The following SMAP2 variants were observed in gnomAD, a reference collection of about 807,000 sequenced individuals.
The protein encoded by SMAP2 is small ArfGAP2, also known as stromal membrane-associated protein 2.
In SMAP2, 25 loss-of-function variants were observed where a neutral mutation model predicts 56.4. That is an observed-to-expected ratio of 0.44 (90% confidence interval 0.32 to 0.62). SMAP2 has a LOEUF of 0.62. Among genes scored for constraint, SMAP2 ranks in the 20% least tolerant of loss-of-function variants. The pLI is 0.04. For missense variants in SMAP2, 388 were observed against 545.6 expected, an observed-to-expected ratio of 0.71 and a Z score of 2.88; for synonymous variants, 157 against 181.7, an observed-to-expected ratio of 0.86 and a Z score of 1.09.
intron 9 of SMAP2, among the ~76,000 whole-genome samples, chr1:40,418,028 C>T (rs970521452): frequency 2.6e-5 from 4 of 152,076 alleles, no homozygotes; most frequent in East Asian, 1.9e-4. Context: ...AAACATTTCA[C>T]GTAATGAATA....
At chr1:40,414,359 C>G in intron 6 of SMAP2, 119 bp downstream of exon 6, 1 of 867,866 alleles carries the variant, frequency 1.2e-6, no homozygotes, top group East Asian at 2.6e-5. Context: ...AGACTGTTCT[C>G]TCACATTCTT....
In SMAP2 at chr1:40,402,669, A is replaced by G. The variant is rs72950020; in HGVS notation, c.104-4067A>G. Among the ~76,000 whole-genome samples the G allele has an allele frequency of 3.4e-3, 511 of 151,746 alleles. 6 individuals carry two copies. Among genetic ancestry groups the G allele is most frequent in the African/African-American group, 0.011 (463 of 41,412 alleles). ...TTTCACCGTGTTGGCCAGGCTGACT[A>G]ACTGTATTTTTGTACCCATTAATCA... On this transcript the variant is annotated intron_variant, in intron 1 of 9. Transcript: ENST00000372718.
intron 1 of SMAP2, among the ~76,000 whole-genome samples, chr1:40,387,570 G>C (rs947040419): frequency 6.6e-6 from 1 of 151,962 alleles, no homozygotes. Flanking sequence ...TGGGGAATTC[G>C]GGAGAACCCT....
At chr1:40,395,450 G>C (rs529494345) in intron 1 of SMAP2, among the ~76,000 whole-genome samples, 33 of 152,260 alleles carry the variant, frequency 2.2e-4, no homozygotes, top group South Asian at 2.1e-3. Context: ...GGGAGGCCAA[G>C]GTGGGAAGAT....
intron 2 of SMAP2, among the ~76,000 whole-genome samples, chr1:40,362,816 G>C (rs1363869879): frequency 6.6e-6 from 1 of 152,146 alleles, no homozygotes; most frequent in Non-Finnish European, 1.5e-5. Context: ...ACAGGAAAAA[G>C]AGGAAGGCTA....
intron 1 of SMAP2, 133 bp from the exon 2 acceptor site, chr1:40,406,603 G>A (rs1463439058): frequency 2.2e-6 from 2 of 924,344 alleles, no homozygotes; most frequent in Non-Finnish European, 3.2e-6. Flanking sequence ...AATGAGCAGA[G>A]TCAATAAACA....
intron 1 of SMAP2, among the ~76,000 whole-genome samples, chr1:40,398,794 G>C (rs1644799142): frequency 6.6e-6 from 1 of 151,722 alleles, no homozygotes; most frequent in Non-Finnish European, 1.5e-5. Context: ...ATGTGCCACT[G>C]CACCTAGAAT....
rs1290677209 is a variant in SMAP2, at chr1:40,422,577, A to C, written c.*476A>C. 1 of 158,632 alleles carries C rather than the reference A, an allele frequency of 6.3e-6. No homozygotes were observed. Among genetic ancestry groups the C allele is most frequent in the Non-Finnish European group, 1.4e-5 (1 of 71,234 alleles). 9.8% of individuals were successfully genotyped at this position (158,632 alleles called of 1,614,324 possible). ...TCTCATGATTTATGGGAATGAAGCA[A>C]GTACTGAAATCAAATTAAATACTCC... On this transcript the variant is annotated 3_prime_UTR_variant, in exon 10 of 10. Transcript: ENST00000372718.
At chr1:40,392,485 G>C (rs1361266763) in intron 1 of SMAP2, among the ~76,000 whole-genome samples, 1 of 152,132 alleles carries the variant, frequency 6.6e-6, no homozygotes, top group Non-Finnish European at 1.5e-5. Context: ...TCACTGTTTG[G>C]CTCCTAATGA....
Position 40,364,744 on chromosome 1 carries a change from CA to C in SMAP2, c.55+2322del, listed in dbSNP as rs35274026. 3.0e-3 allele frequency: 410 copies of C among 138,404 alleles called. 1 individual carries two copies. The highest frequency in any genetic ancestry group is 7.0e-3 in the African/African-American group (268 of 38,286). 8.6% of individuals were successfully genotyped at this position (138,404 alleles called of 1,614,324 possible). A position where few individuals can be genotyped will look rare whatever the true frequency, so the allele number is the denominator to read the frequency against. The stretch of plus-strand genomic sequence containing the variant: ...GGATGACAAAGTGAGACCCTGTCTC[CA>C]AAAAAAAAAAAAATGGCTCAAGGCT... On this transcript the variant is annotated intron_variant, in intron 2 of 6. Coordinates refer to the SMAP2 transcript ENST00000435168.
chr1:40,409,789 A>C lies in SMAP2; in HGVS notation c.356A>C (p.Glu119Ala), dbSNP rs1644917703. 6.2e-7 allele frequency: 1 copy of C among 1,613,436 alleles called. No homozygotes were observed. Among genetic ancestry groups the C allele is most frequent in the Non-Finnish European group, 8.5e-7 (1 of 1,179,452 alleles). The change falls in exon 4 of 10, where the codon GAG becomes GCG. Residue 119 changes from glutamate to alanine, a missense_variant. Transcript: ENST00000372718. ...AVEGFIRDKY[E>A]KKKYMDRSLD... ...GAAGGATTTATTCGAGACAAATATG[A>C]GAAGAAGAAATACATGGACCGAAGT... is the stretch of plus-strand genomic sequence containing the variant.
chr1:40,400,798 T>G (rs909845338), intron 1 of SMAP2, among the ~76,000 whole-genome samples: 2 of 103,044 alleles, frequency 1.9e-5, no homozygotes, highest in African/African-American at 8.5e-5. Flanking sequence ...TGTACAGATT[T>G]GTGTTTTAGA....
At chr1:40,383,286 G>A (rs574048720) in intron 1 of SMAP2, among the ~76,000 whole-genome samples, 2 of 152,184 alleles carry the variant, frequency 1.3e-5, no homozygotes, top group East Asian at 3.8e-4. Flanking sequence ...GAAGTAGGCC[G>A]AGTGAGAGAG....
chr1:40,353,321 G>A (rs1644417964), intron 1 of SMAP2, among the ~76,000 whole-genome samples: 1 of 152,186 alleles, frequency 6.6e-6, no homozygotes, highest in African/African-American at 2.4e-5. Flanking sequence ...TGATTTACAT[G>A]AGCAGCAGTT....
upstream of SMAP2, among the ~76,000 whole-genome samples, chr1:40,371,910 C>G (rs188762037): frequency 6.4e-4 from 98 of 152,228 alleles, no homozygotes; most frequent in African/African-American, 2.2e-3. Context: ...ACTGAGGCAC[C>G]AAGAGGCTAA....
At chr1:40,413,585 G>C (rs1317776738) in intron 5 of SMAP2, among the ~76,000 whole-genome samples, 1 of 152,220 alleles carries the variant, frequency 6.6e-6, no homozygotes. Flanking sequence ...TATTGTGGCT[G>C]TAGTAGTAGA....
intron 5 of SMAP2, 193 bp from the exon 6 acceptor site, chr1:40,413,966 T>C: frequency 1.8e-6 from 1 of 559,392 alleles, no homozygotes; most frequent in Non-Finnish European, 3.2e-6. Context: ...GTTTTTCATT[T>C]TAGGTTTGGT....
At position 40,374,852 on chromosome 1, in the gene SMAP2, T is replaced by C; in HGVS notation, c.103+629T>C. 1 of 1,532,644 alleles carries C rather than the reference T, an allele frequency of 6.5e-7. No homozygotes were observed. The highest frequency in any genetic ancestry group is 1.2e-5 in the South Asian group (1 of 81,660). 94.9% of individuals were successfully genotyped at this position (1,532,644 alleles called of 1,614,324 possible). On this transcript the variant is annotated intron_variant, in intron 1 of 9. Coordinates refer to ENST00000372718, the MANE Select transcript of SMAP2 (RefSeq NM_022733.3). This position sits in a 1 kb window ranked among gnomAD's most constrained non-coding sequence, Gnocchi z 5.9. ...GCCTTATGCAGTGACACAGTGCGGA[T>C]TTCTAGGCAGTGTAGCCCTGGCTTG...
chr1:40,415,008 C>T (rs1236125287), intron 6 of SMAP2, among the ~76,000 whole-genome samples: 2 of 152,174 alleles, frequency 1.3e-5, no homozygotes, highest in Non-Finnish European at 2.9e-5. Context: ...AGCCAGCCAG[C>T]CCCCCACTGT....
Sources: allele counts gnomAD v4.1 joint callset (sites outside exome capture counted in the v4.1 genomes callset), GRCh38; gene constraint gnomAD v4.1.1; non-coding constraint Gnocchi (gnomAD v3.1); transcripts MANE v1.5; gene names NCBI Gene and HGNC (gene_info 2026-07-23, HGNC 2026-07-21).